Variants in ZFHX4 observed in about 807,000 individuals in gnomAD.
The protein encoded by ZFHX4 is zinc finger homeobox 4.
ZFHX4 carries 56 observed loss-of-function variants against 267.6 expected under a neutral mutation model. The ratio of observed to expected loss-of-function variants is 0.21; its 90% confidence interval spans 0.17 to 0.26. The LOEUF (loss-of-function observed/expected upper bound fraction) is 0.26. Ranked by LOEUF, ZFHX4 falls within the 10% of genes least tolerant of loss-of-function variation. The pLI, the probability that ZFHX4 is intolerant of heterozygous loss-of-function variation, is 1.00. For synonymous variants in ZFHX4, 1,778 were observed against 1,665.6 expected, an observed-to-expected ratio of 1.07 and a Z score of -1.64; for missense variants, 4,332 against 4,420.0, an observed-to-expected ratio of 0.98 and a Z score of 0.56.
chr8:76,786,364 C>A (rs1360143225), intron 4 of ZFHX4, among the ~76,000 whole-genome samples: 1 of 150,306 alleles, frequency 6.7e-6, no homozygotes, highest in Non-Finnish European at 1.5e-5. Flanking sequence ...GGAATAGTTT[C>A]ATGTAAAGTA....
At chr8:76,735,573 T>C (rs1809137230) in intron 3 of ZFHX4, among the ~76,000 whole-genome samples, 1 of 152,166 alleles carries the variant, frequency 6.6e-6, no homozygotes, top group Non-Finnish European at 1.5e-5. Flanking sequence ...TTTAAAACTG[T>C]AAAGAAAGTC....
intron 1 of ZFHX4, among the ~76,000 whole-genome samples, chr8:76,688,905 G>A (rs1194212597): frequency 3.3e-5 from 5 of 151,990 alleles, no homozygotes; most frequent in East Asian, 1.9e-4. Flanking sequence ...TAGCAGTTTT[G>A]TTGTTGAGGT....
rs369940685 is a variant in ZFHX4, at chr8:76,852,625, T to G, written c.5704T>G (p.Ser1902Ala). The change falls in exon 10 of 11, where the codon TCA becomes GCA. Residue 1902 changes from serine to alanine, a missense_variant. Coordinates refer to ENST00000651372, the MANE Select transcript of ZFHX4 (RefSeq NM_024721.5). ...EPSIPPPRIA[S>A]GARGNAAKAL... ...ATCCATCCCACCACCCCGAATAGCT[T>G]CAGGGGCCAGAGGAAATGCTGCCAA... The G allele has an allele frequency of 3.0e-5, 49 of 1,612,778 alleles. No individual in the cohort carries two copies. The highest frequency in any genetic ancestry group is 3.9e-5 in the Non-Finnish European group (46 of 1,179,350).
At chr8:76,690,396 T>C (rs1390091822) in intron 1 of ZFHX4, among the ~76,000 whole-genome samples, 1 of 152,006 alleles carries the variant, frequency 6.6e-6, no homozygotes, top group Non-Finnish European at 1.5e-5. Flanking sequence ...AAAAACAAAA[T>C]GAAACATAAC....
In ZFHX4 at chr8:76,731,730, T is replaced by C. The variant is rs187798000; in HGVS notation, c.3093+23682T>C. On this transcript the variant is annotated intron_variant, in intron 3 of 10. Transcript: ENST00000651372. ...CTATCAATATATAACAAAATTAGTGTCAATATATATTTTGGAATCAAAGGA... is the reference window on the plus strand; with the variant it reads ...CTATCAATATATAACAAAATTAGTGCCAATATATATTTTGGAATCAAAGGA... Among the ~76,000 whole-genome samples the C allele has an allele frequency of 3.7e-4, 56 of 152,080 alleles. 1 individual carries two copies. The highest frequency in any genetic ancestry group is 3.6e-3 in the Admixed American group (55 of 15,248).
intron 3 of ZFHX4, among the ~76,000 whole-genome samples, chr8:76,743,920 G>A (rs936610738): frequency 6.6e-6 from 1 of 152,170 alleles, no homozygotes; most frequent in Non-Finnish European, 1.5e-5. Context: ...TTTTTTGGAA[G>A]AAAGAGTTTG....
At chr8:76,814,650 T>C (rs912746110) in intron 4 of ZFHX4, among the ~76,000 whole-genome samples, 1 of 152,210 alleles carries the variant, frequency 6.6e-6, no homozygotes, top group East Asian at 1.9e-4. Flanking sequence ...CCACTCTCTT[T>C]GGCATTACTG....
intron 3 of ZFHX4, among the ~76,000 whole-genome samples, chr8:76,737,028 C>A (rs1007649755): frequency 3.3e-5 from 5 of 152,234 alleles, no homozygotes; most frequent in Admixed American, 2.6e-4. Flanking sequence ...CCAGTAAATA[C>A]ACAGTTGCTT....
chr8:76,851,202 T>C lies in ZFHX4; in HGVS notation c.4281T>C (p.Cys1427=). 6.2e-7 allele frequency: 1 copy of C among 1,613,908 alleles called. No homozygotes were observed. The highest frequency in any genetic ancestry group is 8.5e-7 in the Non-Finnish European group (1 of 1,179,872). The change falls in exon 10 of 11, where the codon TGT becomes TGC. Residue 1427 remains cysteine, a synonymous_variant. Coordinates refer to ENST00000651372, the MANE Select transcript of ZFHX4 (RefSeq NM_024721.5). ...ATGCAATTCGGGCTGCGACAATGTG[T>C]AACCTCTGCCAGCGCAGTTTCCGTA... ...QYHAIRAATM[C]NLCQRSFRTF... is the part of the protein sequence containing the mutation.
At chr8:76,848,754 C>T (rs933044012) in intron 6 of ZFHX4, among the ~76,000 whole-genome samples, 1 of 152,036 alleles carries the variant, frequency 6.6e-6, no homozygotes, top group Non-Finnish European at 1.5e-5. Flanking sequence ...CTTTCCAGGC[C>T]ACCTAGGGTT....
chr8:76,831,589 T>C (rs1811934131), intron 4 of ZFHX4, among the ~76,000 whole-genome samples: 1 of 152,224 alleles, frequency 6.6e-6, no homozygotes, highest in Non-Finnish European at 1.5e-5. Flanking sequence ...TGTCTTACTC[T>C]GTCCTTACTT....
At chr8:76,767,028 G>C (rs1425478277) in intron 3 of ZFHX4, among the ~76,000 whole-genome samples, 2 of 148,846 alleles carry the variant, frequency 1.3e-5, no homozygotes, top group Non-Finnish European at 3.0e-5. Flanking sequence ...TTCTTCCTTT[G>C]TCTGTCTCAT....
chr8:76,789,638 G>A (rs890787766), intron 4 of ZFHX4, among the ~76,000 whole-genome samples: 1 of 152,120 alleles, frequency 6.6e-6, no homozygotes, highest in Non-Finnish European at 1.5e-5. Flanking sequence ...AATCAAATTA[G>A]TCAGATAATT....
chr8:76,761,633 A>G (rs1310455779), intron 3 of ZFHX4, among the ~76,000 whole-genome samples: 1 of 152,232 alleles, frequency 6.6e-6, no homozygotes, highest in African/African-American at 2.4e-5. Flanking sequence ...TGGACCTCAT[A>G]GAGATGAAAA....
intron 4 of ZFHX4, among the ~76,000 whole-genome samples, chr8:76,784,634 G>A (rs964143027): frequency 6.6e-6 from 1 of 151,974 alleles, no homozygotes; most frequent in Non-Finnish European, 1.5e-5. Context: ...CAGGAACACT[G>A]CAGGGTTACC....
chr8:76,786,341 AC>A (rs1447268449), intron 4 of ZFHX4, among the ~76,000 whole-genome samples: 1 of 150,974 alleles, frequency 6.6e-6, no homozygotes, highest in Non-Finnish European at 1.5e-5. Context: ...TGGGAAAACT[AC>A]TAACAACGTA....
chr8:76,829,729 A>T (rs2733731), intron 4 of ZFHX4, among the ~76,000 whole-genome samples: 84,053 of 151,840 alleles, frequency 0.55, 24,593 homozygotes, highest in African/African-American at 0.75. Context: ...GAATTGCTTC[A>T]TGAACCGGGA....
At chr8:76,740,021 T>C (rs906093898) in intron 3 of ZFHX4, among the ~76,000 whole-genome samples, 1 of 152,152 alleles carries the variant, frequency 6.6e-6, no homozygotes, top group African/African-American at 2.4e-5. Flanking sequence ...GAAAATAAGG[T>C]AGACCTCAAA....
intron 3 of ZFHX4, among the ~76,000 whole-genome samples, chr8:76,742,694 G>A (rs1270340949): frequency 6.6e-6 from 1 of 152,122 alleles, no homozygotes; most frequent in Non-Finnish European, 1.5e-5. Context: ...AACAGTATTT[G>A]GATCAATAAA....
Sources: gnomAD v4.1 joint callset for allele counts (sites outside exome capture counted in the v4.1 genomes callset) on GRCh38, gnomAD v4.1.1 for gene constraint, MANE v1.5 for transcripts, NCBI Gene and HGNC (gene_info 2026-07-23, HGNC 2026-07-21) for gene names.